MINDY4: variants seen among roughly 807,000 people sequenced by gnomAD.
The protein encoded by MINDY4 is MINDY lysine 48 deubiquitinase 4.
Under a neutral mutation model 87.0 loss-of-function variants are expected in MINDY4, and 68 were observed. The ratio of observed to expected loss-of-function variants is 0.78; its 90% confidence interval spans 0.64 to 0.96. The LOEUF is 0.96. Ranked by LOEUF, MINDY4 falls within the 40% of genes least tolerant of loss-of-function variation. MINDY4 has a pLI of 0.00. For missense variants in MINDY4, 919 were observed against 928.2 expected (o/e 0.99, Z 0.13); for synonymous variants, 379 against 363.2 (o/e 1.04, Z -0.50).
chr7:30,867,315 G>A (rs1032253771), intron 13 of MINDY4, among the ~76,000 whole-genome samples: 1 of 152,200 alleles, frequency 6.6e-6, no homozygotes. Context: ...GCCGTGATAT[G>A]AGTGGTTGAG....
intron 12 of MINDY4, among the ~76,000 whole-genome samples, chr7:30,854,797 G>A (rs1341220849): frequency 6.6e-6 from 1 of 152,220 alleles, no homozygotes; most frequent in Non-Finnish European, 1.5e-5. Context: ...GATGTCCCTT[G>A]GGTAGGCAAT....
intron 10 of MINDY4, among the ~76,000 whole-genome samples, chr7:30,850,765 T>G (rs533072767): frequency 6.6e-6 from 1 of 152,336 alleles, no homozygotes; most frequent in Non-Finnish European, 1.5e-5. Flanking sequence ...ATGCCCTCTC[T>G]GGGCTCCAGT....
In MINDY4 at chr7:30,771,483, GA is replaced by G; in HGVS notation, c.-10del. On this transcript the variant is annotated 5_prime_UTR_variant, in exon 1 of 18. Transcript: ENST00000265299. Reference sequence around the variant, plus strand: ...GGCGTGGGCCTCGTGGGCAGAGCCAGAGCCAGAGCCATGGACAGCCTCTTCG... The same window carrying G: ...GGCGTGGGCCTCGTGGGCAGAGCCAGGCCAGAGCCATGGACAGCCTCTTCG... 6.2e-7 allele frequency: 1 copy of G among 1,601,580 alleles called. No individual in the cohort carries two copies. The highest frequency in any genetic ancestry group is 8.5e-7 in the Non-Finnish European group (1 of 1,175,572).
At chr7:30,887,618 G>C (rs996877126) in intron 17 of MINDY4, among the ~76,000 whole-genome samples, 1 of 152,188 alleles carries the variant, frequency 6.6e-6, no homozygotes, top group Non-Finnish European at 1.5e-5. Context: ...GTGCCTGGGA[G>C]GGCGGGGCCA....
rs1790809769 is a variant in MINDY4 at position 30,892,107 on chromosome 7, C to T, written c.*102C>T. ...CTGGGGCAGGTCTCATGTACCCCAA[C>T]CTGGGTCAGCATGACTGCAGAAGCA... On this transcript the variant is annotated 3_prime_UTR_variant, in exon 18 of 18. Transcript: ENST00000265299. 3 of 1,302,264 alleles carry T rather than the reference C, an allele frequency of 2.3e-6. No individual in the cohort carries two copies. The highest frequency in any genetic ancestry group is 1.7e-5 in the Admixed American group (1 of 59,218). The allele number at this position is 1,302,264 out of a possible 1,614,324, so 80.7% of individuals were successfully genotyped here.
At chr7:30,885,833 AG>A (rs1177334229) in intron 17 of MINDY4, among the ~76,000 whole-genome samples, 1 of 151,180 alleles carries the variant, frequency 6.6e-6, no homozygotes. Flanking sequence ...CCTCATCCCC[AG>A]GTCTGTGTTC....
At chr7:30,807,233 G>A (rs962700200) in intron 5 of MINDY4, among the ~76,000 whole-genome samples, 25 of 152,228 alleles carry the variant, frequency 1.6e-4, no homozygotes, top group Admixed American at 3.9e-4. Flanking sequence ...CTGAGTGGCC[G>A]TATTCCAGAA....
intron 5 of MINDY4, among the ~76,000 whole-genome samples, chr7:30,801,390 C>T (rs982212721): frequency 1.3e-5 from 2 of 152,134 alleles, no homozygotes; most frequent in Admixed American, 1.3e-4. Context: ...TGGATAGTGG[C>T]CTGCTTGGGC....
chr7:30,807,758 T>G (rs1318732423), intron 5 of MINDY4, among the ~76,000 whole-genome samples: 1 of 152,230 alleles, frequency 6.6e-6, no homozygotes, highest in Admixed American at 6.5e-5. Flanking sequence ...TGTTCTGTTC[T>G]GTTCTAATTA....
intron 6 of MINDY4, among the ~76,000 whole-genome samples, chr7:30,833,650 C>T (rs1788772830): frequency 6.6e-6 from 1 of 152,208 alleles, no homozygotes; most frequent in Non-Finnish European, 1.5e-5. Context: ...TCAGCATTAA[C>T]CTAAAAGTCC....
chr7:30,823,703 T>G (rs1315080048), intron 5 of MINDY4, among the ~76,000 whole-genome samples: 1 of 152,218 alleles, frequency 6.6e-6, no homozygotes, highest in Non-Finnish European at 1.5e-5. Context: ...TTGCTCCATC[T>G]TGAGTCTTTG....
intron 9 of MINDY4, among the ~76,000 whole-genome samples, chr7:30,842,395 A>G (rs1010403637): frequency 6.6e-6 from 1 of 152,192 alleles, no homozygotes; most frequent in Non-Finnish European, 1.5e-5. Context: ...TGGGCTCAAC[A>G]CAGTCCTGTA....
chr7:30,798,146 C>A (rs1787547772), intron 5 of MINDY4, among the ~76,000 whole-genome samples: 1 of 152,166 alleles, frequency 6.6e-6, no homozygotes, highest in Non-Finnish European at 1.5e-5. Context: ...CACACCTGGA[C>A]AGCATGTTGC....
intron 5 of MINDY4, among the ~76,000 whole-genome samples, chr7:30,812,769 T>G (rs1157169985): frequency 6.6e-6 from 1 of 152,158 alleles, no homozygotes; most frequent in African/African-American, 2.4e-5. Context: ...CAGACCAGTC[T>G]TACCCCCTCT....
chr7:30,871,948 C>T (rs776077961), intron 13 of MINDY4, among the ~76,000 whole-genome samples: 10 of 152,166 alleles, frequency 6.6e-5, no homozygotes, highest in Admixed American at 2.0e-4. Flanking sequence ...TCCTCTCTAC[C>T]GTGTCACGCT....
chr7:30,875,715 G>A (rs1790238632), intron 15 of MINDY4, 59 bp downstream of exon 15: 3 of 1,531,304 alleles, frequency 2.0e-6, no homozygotes, highest in Non-Finnish European at 2.6e-6. Flanking sequence ...GAGCAATGAG[G>A]AGGGAAGTGG....
intron 5 of MINDY4, among the ~76,000 whole-genome samples, chr7:30,824,596 ATTTATT>A (rs1327230091): frequency 2.6e-5 from 4 of 152,078 alleles, no homozygotes; most frequent in Non-Finnish European, 4.4e-5. Context: ...TTTTTTTGCT[ATTTATT>A]TTTATTTTTA....
intron 2 of MINDY4, chr7:30,779,522 A>G (rs1236043068): frequency 1.1e-4 from 16 of 152,372 alleles, no homozygotes; most frequent in Non-Finnish European, 5.9e-5. Flanking sequence ...ATAAAATGAT[A>G]TCTCATGTGG....
chr7:30,793,497 C>T (rs1234621637), intron 5 of MINDY4, among the ~76,000 whole-genome samples: 1 of 151,540 alleles, frequency 6.6e-6, no homozygotes, highest in Non-Finnish European at 1.5e-5. Flanking sequence ...CTCACTGCAG[C>T]CTTGACCTTC....
Sources: allele counts gnomAD v4.1 joint callset (sites outside exome capture counted in the v4.1 genomes callset), GRCh38; gene constraint gnomAD v4.1.1; transcripts MANE v1.5; gene names NCBI Gene and HGNC (gene_info 2026-07-23, HGNC 2026-07-21).